The following WDR45 variants were observed in gnomAD, a reference collection of about 807,000 sequenced individuals.
WDR45 encodes WD repeat domain phosphoinositide-interacting protein 4.
WDR45 carries 2 observed loss-of-function variants against 27.3 expected under a neutral mutation model. The observed-to-expected ratio is 0.07, with a 90% CI of 0.03 to 0.23. The LOEUF (loss-of-function observed/expected upper bound fraction) is 0.23. WDR45 is among the 10% of genes least tolerant of loss of function. The pLI, the probability that WDR45 is intolerant of heterozygous loss-of-function variation, is 1.00. For synonymous variants in WDR45, 99 were observed against 119.2 expected, an observed-to-expected ratio of 0.83 and a Z score of 1.11; for missense variants, 175 against 311.9, an observed-to-expected ratio of 0.56 and a Z score of 3.31.
intron 6 of WDR45, 127 bp from the exon 7 acceptor site, chrX:49,076,072 G>GGCTCAGCTCAGCTGCAC (rs2065035529): frequency 1.7e-6 from 1 of 585,443 alleles, no homozygotes; most frequent in Non-Finnish European, 2.8e-6. Flanking sequence ...ACCCTGAGGG[G>GGCTCAGCTCAGCTGCAC]GCTCAGCTCA....
At chrX:49,095,759 C>T (rs1485968941) in intron 2 of WDR45, among the ~76,000 whole-genome samples, 7 of 26,153 alleles carry the variant, frequency 2.7e-4, no homozygotes, top group African/African-American at 1.1e-3. Flanking sequence ...CGTGCCCGGC[C>T]TTTTTTTTTT....
At chrX:49,076,919 TGA>T (rs2065041644) in intron 4 of WDR45, 169 bp from the exon 5 acceptor site, 2 of 459,032 alleles carry the variant, frequency 4.4e-6, no homozygotes, top group Non-Finnish European at 7.8e-6. Flanking sequence ...ATATGATCCC[TGA>T]GAGGAGTGTT....
chrX:49,074,617 G>A lies in WDR45; in HGVS notation c.*186C>T. 2.3e-6 allele frequency: 1 copy of A among 440,173 alleles called. No individual in the cohort carries two copies. Among genetic ancestry groups the A allele is most frequent in the Non-Finnish European group, 4.0e-6 (1 of 252,523 alleles). The allele number at this position is 440,173 out of a possible 1,213,427, so 36.3% of individuals were successfully genotyped here. On this transcript the variant is annotated 3_prime_UTR_variant, in exon 11 of 11. Transcript: ENST00000376372. ...CCTGGGTCTCTGGCCTGGCCCTTGG[G>A]GCACACAGTCATCAAGAAGTGCTGG...
At chrX:49,082,313 A>G (rs1441061992), upstream of WDR45, 1 of 111,007 alleles carries the variant, frequency 9.0e-6, no homozygotes, top group Non-Finnish European at 1.9e-5. Context: ...CATCTTTTTA[A>G]CTCATCCTTT....
chrX:49,094,893 C>A (rs782271368), intron 2 of WDR45, among the ~76,000 whole-genome samples: 2 of 110,284 alleles, frequency 1.8e-5, no homozygotes, highest in Admixed American at 1.9e-4. Flanking sequence ...GTGTGCAAGA[C>A]CAGCTTGGCC....
chrX:49,076,095 G>A (rs1249897446), intron 6 of WDR45, 150 bp from the exon 7 acceptor site: 7 of 496,400 alleles, frequency 1.4e-5, no homozygotes, highest in African/African-American at 7.2e-5. Flanking sequence ...TGCACGCCCC[G>A]CCAGCTAGGC....
At chrX:49,076,244 C>T (rs1179238887) in intron 6 of WDR45, 186 bp downstream of exon 6, 1 of 528,293 alleles carries the variant, frequency 1.9e-6, no homozygotes, top group East Asian at 3.6e-5. Flanking sequence ...AGGGGTGGGG[C>T]AGGTCCGGAG....
Position 49,078,076 on chromosome X carries a change from C to G in WDR45, c.20G>C (p.Arg7Pro). 1 of 1,211,982 alleles carries G rather than the reference C, an allele frequency of 8.3e-7. No homozygotes were observed. Among genetic ancestry groups the G allele is most frequent in the South Asian group, 1.8e-5 (1 of 57,029 alleles). ...GTTGAAACGCAGGCTGGTCACTCCTCGAAGTGGCTGTTGAGTCATGGTGCA... is the reference window on the plus strand; with the variant it reads ...GTTGAAACGCAGGCTGGTCACTCCTGGAAGTGGCTGTTGAGTCATGGTGCA... MTQQPL[R>P]GVTSLRFNQD... is the part of the protein sequence containing the mutation. Residue 7 changes from arginine (R) to proline (P), a missense_variant, in exon 2 of 11, where the codon CGA becomes CCA. Physicochemically the swap from Arg to Pro is moderately radical, Grantham distance 103 (BLOSUM62 -2). Around this residue, in one of 3 missense-constraint regions of WDR45, gnomAD observed 102 missense variants for 165.4 expected, o/e 0.62. Coordinates refer to ENST00000376372, the MANE Select transcript of WDR45 (RefSeq NM_001029896.2).
At chrX:49,095,677 G>T (rs1283095182) in intron 2 of WDR45, among the ~76,000 whole-genome samples, 6 of 104,951 alleles carry the variant, frequency 5.7e-5, no homozygotes, top group Admixed American at 4.2e-4. Context: ...AGCCAGGATG[G>T]TCTCGATCTC....
chrX:49,088,965 TA>T (rs2065095405), intron 2 of WDR45, among the ~76,000 whole-genome samples: 1 of 112,115 alleles, frequency 8.9e-6, no homozygotes, highest in Admixed American at 9.5e-5. Flanking sequence ...CCACATTATT[TA>T]AAATGTCCAG....
chrX:49,098,698 T>C (rs1557087702), intron 2 of WDR45, among the ~76,000 whole-genome samples: 1 of 109,701 alleles, frequency 9.1e-6, no homozygotes, highest in East Asian at 2.9e-4. Context: ...TCCAAGCTAC[T>C]TGGGGGGCTG....
At chrX:49,079,349 AG>A (rs781971025) in intron 1 of WDR45, among the ~76,000 whole-genome samples, 5 of 104,802 alleles carry the variant, frequency 4.8e-5, no homozygotes, top group Non-Finnish European at 9.7e-5. Context: ...ACTCCTACCT[AG>A]GAGAACCTCA....
chrX:49,080,879 C>T (rs1602543042), upstream of WDR45, among the ~76,000 whole-genome samples: 1 of 91,041 alleles, frequency 1.1e-5, no homozygotes, highest in South Asian at 5.6e-4. Context: ...TATATGCATA[C>T]TGGAAGGAAT....
intron 2 of WDR45, among the ~76,000 whole-genome samples, chrX:49,095,057 G>A (rs782225310): frequency 4.6e-5 from 5 of 109,687 alleles, no homozygotes; most frequent in African/African-American, 1.6e-4. Context: ...CAAAGTGCTG[G>A]GATTATAGGC....
At chrX:49,085,372 C>T (rs1257826523) in intron 2 of WDR45, among the ~76,000 whole-genome samples, 1 of 111,923 alleles carries the variant, frequency 8.9e-6, no homozygotes, top group Non-Finnish European at 1.9e-5. Context: ...ATTCACAGGG[C>T]ATAGAGTACA....
chrX:49,083,933 C>T (rs1250637976), upstream of WDR45, among the ~76,000 whole-genome samples: 45 of 78,717 alleles, frequency 5.7e-4, no homozygotes, highest in Non-Finnish European at 8.8e-4. Context: ...GGTGACAGAG[C>T]GACACTCTGT....
chrX:49,074,960 G>A (rs782309954), intron 10 of WDR45, 48 bp from the exon 11 acceptor site: 1 of 1,133,637 alleles, frequency 8.8e-7, no homozygotes, highest in South Asian at 1.8e-5. Flanking sequence ...ACAGCCACAG[G>A]CTCCAGTCCT....
intron 2 of WDR45, among the ~76,000 whole-genome samples, chrX:49,095,549 C>A (rs1483644742): frequency 9.1e-6 from 1 of 109,471 alleles, no homozygotes; most frequent in Non-Finnish European, 1.9e-5. Flanking sequence ...CAACTTCTTC[C>A]TCCCAGGTTC....
In WDR45 at chrX:49,075,130, A is replaced by G. The variant is rs1195813455; in HGVS notation, c.973+6T>C. ...TACCCCCAACCAAGGGGCTGTTCCC[A>G]CTCACCAATGACAGAGTTGACGTTC... is the stretch of plus-strand genomic sequence containing the variant. On this transcript the variant is annotated splice_donor_region_variant and intron_variant, in intron 10 of 10. Coordinates refer to ENST00000376372, the MANE Select transcript of WDR45 (RefSeq NM_001029896.2). 9.1e-6 allele frequency: 11 copies of G among 1,208,371 alleles called. No homozygotes were observed. The highest frequency in any genetic ancestry group is 1.2e-5 in the Non-Finnish European group (11 of 893,871).
Sources: allele counts gnomAD v4.1 joint callset (sites outside exome capture counted in the v4.1 genomes callset), GRCh38; gene constraint gnomAD v4.1.1; regional missense constraint gnomAD v4.1.1; transcripts MANE v1.5; gene names NCBI Gene and HGNC (gene_info 2026-07-23, HGNC 2026-07-21).